CEP128: variants seen among roughly 807,000 people sequenced by gnomAD.
The protein encoded by CEP128 is centrosomal protein 128kDa.
Under a neutral mutation model 156.7 loss-of-function variants are expected in CEP128, and 132 were observed. The ratio of observed to expected loss-of-function variants is 0.84; its 90% CI spans 0.73 to 0.97. CEP128 has a LOEUF of 0.97. Ranked by LOEUF, CEP128 falls within the 50% of genes least tolerant of loss-of-function variation. The pLI is 0.00. For synonymous variants in CEP128, 469 were observed against 448.9 expected, an observed-to-expected ratio of 1.04 and a Z score of -0.57; for missense variants, 1,252 against 1,281.9, an observed-to-expected ratio of 0.98 and a Z score of 0.36.
chr14:80,521,135 G>A (rs1051667959), intron 23 of CEP128, among the ~76,000 whole-genome samples: 12 of 150,728 alleles, frequency 8.0e-5, no homozygotes, highest in African/African-American at 2.0e-4. Flanking sequence ...CACCACACCC[G>A]GCCTTAAAGT....
intron 19 of CEP128, among the ~76,000 whole-genome samples, chr14:80,595,515 A>C (rs1408647395): frequency 6.6e-6 from 1 of 152,162 alleles, no homozygotes; most frequent in Non-Finnish European, 1.5e-5. Context: ...ATAAACAGAG[A>C]AAGTTTCTGT....
At chr14:80,835,697 C>T (rs1296234232) in intron 12 of CEP128, among the ~76,000 whole-genome samples, 1 of 152,078 alleles carries the variant, frequency 6.6e-6, no homozygotes, top group Non-Finnish European at 1.5e-5. Flanking sequence ...ACAAAGTATT[C>T]CTAAACCACA....
downstream of CEP128, among the ~76,000 whole-genome samples, chr14:80,487,760 C>G (rs1158604521): frequency 6.6e-6 from 1 of 152,158 alleles, no homozygotes; most frequent in Non-Finnish European, 1.5e-5. Flanking sequence ...ACTGAACAAC[C>G]TGCTCCTGAA....
chr14:80,802,453 C>T (rs1487404791), intron 13 of CEP128, among the ~76,000 whole-genome samples: 2 of 151,562 alleles, frequency 1.3e-5, no homozygotes, highest in African/African-American at 2.4e-5. Flanking sequence ...AACCAAACAC[C>T]GCATGCTCTC....
At chr14:80,899,587 T>C (rs566202412) in intron 7 of CEP128, among the ~76,000 whole-genome samples, 150 of 152,326 alleles carry the variant, frequency 9.8e-4, no homozygotes, top group Middle Eastern at 6.8e-3. Context: ...TCTTTTTTGG[T>C]GTGTGCAATG....
intron 9 of CEP128, among the ~76,000 whole-genome samples, chr14:80,862,293 T>G (rs12880008): frequency 0.098 from 14,856 of 152,154 alleles, 1,232 homozygotes; most frequent in East Asian, 0.43. Context: ...GTGGTTGTGC[T>G]CCAATAAAAC....
intron 8 of CEP128, among the ~76,000 whole-genome samples, chr14:80,864,015 T>C (rs1887646154): frequency 6.6e-6 from 1 of 152,210 alleles, no homozygotes; most frequent in African/African-American, 2.4e-5. Flanking sequence ...CCACTACCAC[T>C]GCTGAGATAG....
At chr14:80,487,191 C>T (rs866437007), downstream of CEP128, among the ~76,000 whole-genome samples, 27 of 151,720 alleles carry the variant, frequency 1.8e-4, no homozygotes, top group African/African-American at 6.5e-4. Context: ...ATCTACCAAG[C>T]AAATGGAAAA....
chr14:80,611,580 A>G (rs1892995658), intron 19 of CEP128, among the ~76,000 whole-genome samples: 1 of 152,170 alleles, frequency 6.6e-6, no homozygotes, highest in Non-Finnish European at 1.5e-5. Context: ...ATCATCACAC[A>G]AGCCAAAGAA....
chr14:80,730,255 T>G (rs1385611022), intron 19 of CEP128, among the ~76,000 whole-genome samples: 1 of 152,234 alleles, frequency 6.6e-6, no homozygotes, highest in Non-Finnish European at 1.5e-5. Flanking sequence ...TCCTTCCAAC[T>G]GTCATAAACA....
intron 21 of CEP128, among the ~76,000 whole-genome samples, chr14:80,557,943 CTCTT>C (rs1044728249): frequency 1.3e-5 from 2 of 151,942 alleles, no homozygotes; most frequent in African/African-American, 4.8e-5. Flanking sequence ...ATTTTTATCA[CTCTT>C]TATATATCTT....
At chr14:80,770,805 C>T (rs1900475359) in intron 16 of CEP128, among the ~76,000 whole-genome samples, 1 of 152,032 alleles carries the variant, frequency 6.6e-6, no homozygotes, top group South Asian at 2.1e-4. Flanking sequence ...CCACAAGCTG[C>T]CTAAAAATGG....
At chr14:80,580,817 A>G (rs551175902) in intron 19 of CEP128, among the ~76,000 whole-genome samples, 64 of 152,350 alleles carry the variant, frequency 4.2e-4, no homozygotes, top group African/African-American at 1.5e-3. Flanking sequence ...AAAATTAAAA[A>G]CAAACCATTT....
intron 9 of CEP128, among the ~76,000 whole-genome samples, chr14:80,848,465 G>A (rs1886718616): frequency 6.6e-6 from 1 of 152,076 alleles, no homozygotes; most frequent in South Asian, 2.1e-4. Context: ...TTTGAGACCA[G>A]CCTGGTCAAC....
intron 16 of CEP128, among the ~76,000 whole-genome samples, chr14:80,769,453 G>A (rs555706094): frequency 4.0e-5 from 6 of 150,918 alleles, no homozygotes; most frequent in East Asian, 2.0e-4. Flanking sequence ...GACAGGCCCC[G>A]GTGTGTGACG....
intron 11 of CEP128, among the ~76,000 whole-genome samples, chr14:80,837,389 A>T (rs1886132058): frequency 6.6e-6 from 1 of 152,234 alleles, no homozygotes; most frequent in African/African-American, 2.4e-5. Context: ...AACTCCCATT[A>T]TGGGCTGATG....
chr14:80,821,848 G>A (rs562954580), intron 13 of CEP128, among the ~76,000 whole-genome samples: 11 of 151,998 alleles, frequency 7.2e-5, no homozygotes, highest in African/African-American at 1.2e-4. Context: ...CTGAGACTGC[G>A]CAATTTACAA....
At chr14:80,868,226 C>A (rs1887864353) in intron 8 of CEP128, among the ~76,000 whole-genome samples, 1 of 152,084 alleles carries the variant, frequency 6.6e-6, no homozygotes, top group Non-Finnish European at 1.5e-5. Flanking sequence ...TGAATATACT[C>A]AAATTATAAT....
intron 3 of CEP128, among the ~76,000 whole-genome samples, chr14:80,916,136 C>T (rs1163458692): frequency 6.6e-6 from 1 of 152,166 alleles, no homozygotes; most frequent in Non-Finnish European, 1.5e-5. Context: ...ATGTGGGCAG[C>T]CTCTAGAAAC....
Sources: gnomAD v4.1 joint callset for allele counts (sites outside exome capture counted in the v4.1 genomes callset) on GRCh38, gnomAD v4.1.1 for gene constraint, MANE v1.5 for transcripts, NCBI Gene and HGNC (gene_info 2026-07-23, HGNC 2026-07-21) for gene names.